SCFD2: variants seen among roughly 807,000 people sequenced by gnomAD.
SCFD2 encodes sec1 family domain-containing protein 2.
In SCFD2, 54 loss-of-function variants were observed where a neutral mutation model predicts 58.9. The observed-to-expected ratio is 0.92, with a 90% CI of 0.74 to 1.15. SCFD2 has a LOEUF of 1.15. Among genes scored for constraint, SCFD2 ranks in the 50% most tolerant of loss-of-function variants. SCFD2 has a pLI of 0.00. For synonymous variants in SCFD2, 321 were observed against 335.9 expected (o/e 0.96, Z 0.49); for missense variants, 805 against 836.6 (o/e 0.96, Z 0.47).
At chr4:53,313,544 C>T in intron 3 of SCFD2, 92 bp downstream of exon 3, 1 of 1,502,272 alleles carries the variant, frequency 6.7e-7, no homozygotes, top group Non-Finnish European at 9.2e-7. Context: ...CTACTTTGGC[C>T]TAGATTCCAT....
intron 4 of SCFD2, among the ~76,000 whole-genome samples, chr4:53,216,754 G>A (rs1728853843): frequency 6.6e-6 from 1 of 152,086 alleles, no homozygotes; most frequent in Non-Finnish European, 1.5e-5. Context: ...GTCAATTTTA[G>A]ATCTTTCCTG....
intron 5 of SCFD2, among the ~76,000 whole-genome samples, chr4:53,081,209 A>G (rs1724137253): frequency 6.6e-6 from 1 of 152,176 alleles, no homozygotes. Flanking sequence ...ATATCCTGGG[A>G]AAAACACTTG....
At chr4:53,163,862 G>A (rs1726926931) in intron 4 of SCFD2, among the ~76,000 whole-genome samples, 1 of 152,148 alleles carries the variant, frequency 6.6e-6, no homozygotes, top group African/African-American at 2.4e-5. Context: ...TGGATCTCTT[G>A]AAATAACGTT....
intron 5 of SCFD2, among the ~76,000 whole-genome samples, chr4:53,133,885 C>G (rs1004373705): frequency 6.6e-6 from 1 of 152,228 alleles, no homozygotes; most frequent in Non-Finnish European, 1.5e-5. Context: ...ACACTGCTTT[C>G]CATTTGTCTG....
At chr4:53,340,037 A>C (rs1342693621) in intron 2 of SCFD2, among the ~76,000 whole-genome samples, 1 of 152,196 alleles carries the variant, frequency 6.6e-6, no homozygotes, top group Non-Finnish European at 1.5e-5. Context: ...TCCCAGTGAG[A>C]GCAACGCAGA....
intron 3 of SCFD2, among the ~76,000 whole-genome samples, chr4:53,274,825 TC>T (rs1420390796): frequency 7.2e-5 from 11 of 152,148 alleles, no homozygotes; most frequent in African/African-American, 2.7e-4. Flanking sequence ...TGCGCAAAGC[TC>T]TTGGACATCG....
At chr4:52,914,820 G>T (rs1719564974) in intron 6 of SCFD2, among the ~76,000 whole-genome samples, 1 of 151,998 alleles carries the variant, frequency 6.6e-6, no homozygotes, top group South Asian at 2.1e-4. Context: ...AAAAAAAGGG[G>T]CCCATGAAGG....
chr4:52,974,037 T>C (rs2109555873), intron 5 of SCFD2, among the ~76,000 whole-genome samples: 1 of 152,300 alleles, frequency 6.6e-6, no homozygotes, highest in Admixed American at 6.5e-5. Context: ...GTAAGAGCTA[T>C]CTATGACAAA....
At chr4:53,102,457 A>G (rs1014525890) in intron 5 of SCFD2, among the ~76,000 whole-genome samples, 2 of 152,132 alleles carry the variant, frequency 1.3e-5, no homozygotes, top group African/African-American at 2.4e-5. Context: ...TGATAGGACA[A>G]ATAAATTAGA....
intron 7 of SCFD2, among the ~76,000 whole-genome samples, chr4:52,903,606 G>A (rs1385568056): frequency 1.3e-5 from 2 of 152,202 alleles, no homozygotes; most frequent in Non-Finnish European, 2.9e-5. Context: ...CGCTGAGGAT[G>A]CAGAAAAGAA....
intron 5 of SCFD2, among the ~76,000 whole-genome samples, chr4:53,106,773 G>A (rs1725015804): frequency 6.6e-6 from 1 of 152,172 alleles, no homozygotes; most frequent in Non-Finnish European, 1.5e-5. Context: ...AAGTGATGGA[G>A]AGAATGAAAC....
At chr4:53,180,961 T>A (rs181509147) in intron 4 of SCFD2, among the ~76,000 whole-genome samples, 1 of 152,210 alleles carries the variant, frequency 6.6e-6, no homozygotes, top group Admixed American at 6.5e-5. Context: ...CAGGAAGAAG[T>A]TGAATCTCTG....
At chr4:53,254,506 T>C (rs1730523209) in intron 4 of SCFD2, among the ~76,000 whole-genome samples, 1 of 151,864 alleles carries the variant, frequency 6.6e-6, no homozygotes. Context: ...TTGTTTTATT[T>C]TATTTCATTT....
intron 2 of SCFD2, among the ~76,000 whole-genome samples, chr4:53,338,737 C>G (rs570672986): frequency 2.0e-5 from 3 of 151,496 alleles, no homozygotes; most frequent in Non-Finnish European, 4.4e-5. Flanking sequence ...CCCGCCACTA[C>G]GCCCGGCTAA....
At chr4:53,003,362 C>A (rs1577653019) in intron 5 of SCFD2, among the ~76,000 whole-genome samples, 1 of 152,176 alleles carries the variant, frequency 6.6e-6, no homozygotes, top group South Asian at 2.1e-4. Flanking sequence ...TTTACATGTA[C>A]ATATGAAGTA....
At chr4:53,038,701 T>G (rs9999433) in intron 5 of SCFD2, among the ~76,000 whole-genome samples, 27,245 of 151,782 alleles carry the variant, frequency 0.18, 4,063 homozygotes, top group African/African-American at 0.41. Flanking sequence ...TTTGTTTTTT[T>G]TTTTTTTAGA....
chr4:52,887,932 C>A (rs1447244086), intron 7 of SCFD2, among the ~76,000 whole-genome samples: 4 of 113,506 alleles, frequency 3.5e-5, no homozygotes, highest in African/African-American at 1.4e-4. Context: ...GAGACGGAGT[C>A]TCGCTCTGTC....
chr4:53,177,683 C>T (rs868831963), intron 4 of SCFD2, among the ~76,000 whole-genome samples: 92 of 152,204 alleles, frequency 6.0e-4, no homozygotes, highest in African/African-American at 9.9e-4. Flanking sequence ...GTGGGTGCAG[C>T]GCACCGTGTG....
chr4:52,957,598 T>C (rs1474442807), intron 5 of SCFD2: 1 of 152,246 alleles, frequency 6.6e-6, no homozygotes, highest in Admixed American at 6.5e-5. Flanking sequence ...CAAGGCTTTG[T>C]TCCTGTCTCT....
Sources: gnomAD v4.1 joint callset for allele counts (sites outside exome capture counted in the v4.1 genomes callset) on GRCh38, gnomAD v4.1.1 for gene constraint, MANE v1.5 for transcripts, NCBI Gene and HGNC (gene_info 2026-07-23, HGNC 2026-07-21) for gene names.